GPC5: variants seen among roughly 807,000 people sequenced by gnomAD.
GPC5 encodes glypican-5.
Under a neutral mutation model 53.9 loss-of-function variants are expected in GPC5, and 47 were observed. That is an observed-to-expected ratio of 0.87 (90% CI 0.69 to 1.11). The LOEUF (loss-of-function observed/expected upper bound fraction) is 1.11, where lower values mean the gene tolerates loss of function less well. Among genes scored for constraint, GPC5 ranks in the 50% most tolerant of loss-of-function variants. The pLI is 0.00. For missense variants in GPC5, 748 were observed against 713.1 expected (o/e 1.05, Z -0.56); for synonymous variants, 286 against 263.3 (o/e 1.09, Z -0.84).
At chr13:91,775,842 A>G (rs778570318) in intron 5 of GPC5, among the ~76,000 whole-genome samples, 1 of 152,212 alleles carries the variant, frequency 6.6e-6, no homozygotes, top group Admixed American at 6.5e-5. Flanking sequence ...AGAATCAGCT[A>G]TATCTGGCTA....
chr13:92,144,164 T>C (rs989786331), intron 6 of GPC5, among the ~76,000 whole-genome samples: 2 of 152,178 alleles, frequency 1.3e-5, no homozygotes, highest in African/African-American at 4.8e-5. Flanking sequence ...TAGGGGAAAA[T>C]GTCTATTCCA....
chr13:92,831,664 T>A (rs1443014654), intron 7 of GPC5, among the ~76,000 whole-genome samples: 1 of 152,142 alleles, frequency 6.6e-6, no homozygotes, highest in Non-Finnish European at 1.5e-5. Context: ...ATTGATTCCA[T>A]GTGATAGAAA....
At chr13:92,395,017 A>C (rs2139328662) in intron 7 of GPC5, among the ~76,000 whole-genome samples, 1 of 152,286 alleles carries the variant, frequency 6.6e-6, no homozygotes, top group East Asian at 1.9e-4. Flanking sequence ...TTATAGTTAA[A>C]GTACATTTCT....
intron 2 of GPC5, among the ~76,000 whole-genome samples, chr13:91,538,822 T>G: frequency 6.9e-6 from 1 of 145,648 alleles, no homozygotes; most frequent in African/African-American, 2.5e-5. Flanking sequence ...GACCTCATGG[T>G]CCACCCCGCC....
intron 4 of GPC5, among the ~76,000 whole-genome samples, chr13:91,729,304 C>T (rs1385055844): frequency 6.6e-6 from 1 of 152,000 alleles, no homozygotes. Flanking sequence ...TGTTCCTTTG[C>T]TTGATAATGG....
intron 7 of GPC5, among the ~76,000 whole-genome samples, chr13:92,670,527 C>A (rs1390622267): frequency 2.6e-5 from 4 of 152,176 alleles, no homozygotes; most frequent in Non-Finnish European, 4.4e-5. Flanking sequence ...CTGTTCAGTT[C>A]TTTTCATCCT....
At chr13:91,670,725 TACAGTTTA>T (rs1405062843) in intron 2 of GPC5, among the ~76,000 whole-genome samples, 1 of 152,134 alleles carries the variant, frequency 6.6e-6, no homozygotes, top group Non-Finnish European at 1.5e-5. Flanking sequence ...GCATAAACTG[TACAGTTTA>T]ACAGAGGAAT....
chr13:92,132,059 GATATA>G (rs1455174437), intron 6 of GPC5, among the ~76,000 whole-genome samples: 2 of 152,034 alleles, frequency 1.3e-5, no homozygotes, highest in Admixed American at 1.3e-4. Flanking sequence ...TTGGATCATT[GATATA>G]ATAGAATAAA....
At chr13:92,556,653 G>A (rs558778549) in intron 7 of GPC5, among the ~76,000 whole-genome samples, 31 of 151,772 alleles carry the variant, frequency 2.0e-4, no homozygotes, top group Middle Eastern at 3.4e-3. Flanking sequence ...GCAAAGACAA[G>A]TGTTCAACCC....
At chr13:91,411,077 C>T (rs1180106237) in intron 1 of GPC5, among the ~76,000 whole-genome samples, 1 of 152,288 alleles carries the variant, frequency 6.6e-6, no homozygotes, top group East Asian at 1.9e-4. Context: ...CCACTGCACT[C>T]CAGCCTGGCG....
At chr13:92,078,741 G>A (rs1243003410) in intron 6 of GPC5, among the ~76,000 whole-genome samples, 2 of 152,112 alleles carry the variant, frequency 1.3e-5, no homozygotes, top group African/African-American at 2.4e-5. Context: ...GTAGTCCCTA[G>A]AAAGATTATT....
intron 6 of GPC5, among the ~76,000 whole-genome samples, chr13:92,105,262 C>A (rs1391331946): frequency 1.3e-5 from 2 of 152,046 alleles, no homozygotes; most frequent in Admixed American, 6.6e-5. Context: ...AATCTACAAT[C>A]TATTTTGCAA....
intron 4 of GPC5, among the ~76,000 whole-genome samples, chr13:91,738,454 A>G (rs976283892): frequency 6.6e-6 from 1 of 151,090 alleles, no homozygotes; most frequent in African/African-American, 2.5e-5. Flanking sequence ...AGTATTTATT[A>G]AGTGGTGATA....
rs1361577049 is a variant in GPC5, at chr13:92,500,262, G to A, written c.1561+355273G>A. Reference sequence around the variant, plus strand: ...AGTGACACAGATATTATGCTTGTCAGTCTGGCTGAGAATCCAGACCACTTA... The same window carrying A: ...AGTGACACAGATATTATGCTTGTCAATCTGGCTGAGAATCCAGACCACTTA... On this transcript the variant is annotated intron_variant, in intron 7 of 7. Coordinates refer to ENST00000377067, the MANE Select transcript of GPC5 (RefSeq NM_004466.6). 2.6e-5 allele frequency among the ~76,000 whole-genome samples: 4 copies of A among 152,234 alleles called. No homozygotes were observed. The South Asian group carries it at 8.3e-4, about 32-fold the overall frequency.
chr13:92,155,273 G>A (rs1283662312), intron 7 of GPC5, among the ~76,000 whole-genome samples: 1 of 151,684 alleles, frequency 6.6e-6, no homozygotes, highest in Non-Finnish European at 1.5e-5. Flanking sequence ...AATAAGCTCT[G>A]CATTTTCTGG....
In GPC5 at chr13:91,572,196, CAT is replaced by C. The variant is rs756643309; in HGVS notation, c.326-120988_326-120987del. On this transcript the variant is annotated intron_variant, in intron 2 of 7. Coordinates refer to ENST00000377067, the MANE Select transcript of GPC5 (RefSeq NM_004466.6). ...GTATATATACGTGTGTATACACACA[CAT>C]ATGTATATATACGTGTATATATATA... Among the ~76,000 whole-genome samples, 26 of 109,128 alleles carry C rather than the reference CAT, an allele frequency of 2.4e-4. 4 individuals are homozygous for C. The highest frequency in any genetic ancestry group is 5.5e-4 in the African/African-American group (14 of 25,454). 71.6% of individuals were successfully genotyped at this position (109,128 alleles called of 152,430 possible). A position where few individuals can be genotyped will look rare whatever the true frequency, so the allele number is the denominator to read the frequency against.
chr13:92,203,912 T>G (rs1207184981), intron 7 of GPC5, among the ~76,000 whole-genome samples: 1 of 151,844 alleles, frequency 6.6e-6, no homozygotes, highest in Non-Finnish European at 1.5e-5. Context: ...AGCCTCTTCT[T>G]TCTCAAATGA....
rs140268527 is a variant in GPC5 at position 92,482,042 on chromosome 13, A to G, written c.1561+337053A>G. ...GGTACTTGGGAGGCTTAGGCAGGAG[A>G]ATTGCTTGAACCCTGGAGGCAGAGG... is the stretch of plus-strand genomic sequence containing the variant. On this transcript the variant is annotated intron_variant, in intron 7 of 7. Transcript: ENST00000377067. Among the ~76,000 whole-genome samples, 292 of 152,018 alleles carry G rather than the reference A, an allele frequency of 1.9e-3. 1 individual carries two copies. Among genetic ancestry groups the G allele is most frequent in the African/African-American group, 6.9e-3 (287 of 41,444 alleles).
intron 6 of GPC5, among the ~76,000 whole-genome samples, chr13:91,970,184 A>G (rs1308701006): frequency 6.6e-6 from 1 of 152,198 alleles, no homozygotes; most frequent in African/African-American, 2.4e-5. Flanking sequence ...AGAGACAAAT[A>G]CCACATGATT....
Sources: allele counts gnomAD v4.1 joint callset (sites outside exome capture counted in the v4.1 genomes callset), GRCh38; gene constraint gnomAD v4.1.1; transcripts MANE v1.5; gene names NCBI Gene and HGNC (gene_info 2026-07-23, HGNC 2026-07-21).